Variants in SMARCA2 observed in about 807,000 individuals in gnomAD.
SMARCA2 encodes SWI/SNF-related matrix-associated actin-dependent regulator of chromatin subfamily A member 2.
In SMARCA2, 61 loss-of-function variants were observed where a neutral mutation model predicts 199.8. The ratio of observed to expected loss-of-function variants is 0.31; its 90% CI spans 0.25 to 0.38. The LOEUF is 0.38. Among genes scored for constraint, SMARCA2 ranks in the 10% least tolerant of loss-of-function variants. SMARCA2 has a pLI of 1.00. For missense variants in SMARCA2, 1,344 were observed against 2,012.2 expected (o/e 0.67, Z 6.35); for synonymous variants, 935 against 732.0 (o/e 1.28, Z -4.48).
chr9:2,100,680 G>A (rs1465236610), intron 21 of SMARCA2, among the ~76,000 whole-genome samples: 2 of 151,080 alleles, frequency 1.3e-5, no homozygotes, highest in Non-Finnish European at 1.5e-5. Flanking sequence ...TCCAGCCTGG[G>A]CAACAGAGTG....
chr9:2,028,928 A>G, intron 1 of SMARCA2, 59 bp from the exon 2 acceptor site: 1 of 1,360,056 alleles, frequency 7.4e-7, no homozygotes. Flanking sequence ...CAATTGTTTT[A>G]TTCTGGTCTT....
chr9:2,137,181 G>A (rs1824232767), intron 27 of SMARCA2, among the ~76,000 whole-genome samples: 1 of 152,202 alleles, frequency 6.6e-6, no homozygotes, highest in African/African-American at 2.4e-5. Flanking sequence ...AAGTAATAAG[G>A]ATCTGGAGTG....
intron 20 of SMARCA2, 62 bp downstream of exon 20, chr9:2,096,826 T>C (rs897448703): frequency 2.5e-5 from 25 of 980,980 alleles, no homozygotes; most frequent in Non-Finnish European, 3.8e-5. Context: ...GGCTGTGACA[T>C]TGAATATTCA....
chr9:2,101,640 T>C (rs975544302), intron 22 of SMARCA2, 24 bp downstream of exon 22: 14 of 1,351,800 alleles, frequency 1.0e-5, no homozygotes, highest in Non-Finnish European at 1.4e-5. Flanking sequence ...TTTTTTTTCT[T>C]TTAAAAAAAA....
chr9:2,146,014 C>T (rs534700101), intron 27 of SMARCA2, among the ~76,000 whole-genome samples: 1 of 152,158 alleles, frequency 6.6e-6, no homozygotes, highest in South Asian at 2.1e-4. Flanking sequence ...GCTTTGTGTT[C>T]CTATTATTTG....
At chr9:2,121,318 G>A (rs1255515719) in intron 26 of SMARCA2, among the ~76,000 whole-genome samples, 3 of 152,236 alleles carry the variant, frequency 2.0e-5, no homozygotes, top group Non-Finnish European at 4.4e-5. Context: ...ACACAGGTGA[G>A]GCTGGCTAGG....
In SMARCA2 at chr9:2,084,083, C is replaced by G. The variant is rs1199715648; in HGVS notation, c.2416-3C>G. 6.3e-7 allele frequency: 1 copy of G among 1,575,276 alleles called. No homozygotes were observed. Among genetic ancestry groups the G allele is most frequent in the Non-Finnish European group, 8.7e-7 (1 of 1,145,632 alleles). On this transcript the variant is annotated splice_region_variant and splice_polypyrimidine_tract_variant and intron_variant, in intron 16 of 33. Transcript: ENST00000349721. ...ATGCATGTATTTTTTTCTTTCCATT[C>G]AGGGTACTCCTGCCATGCGTCGCTC...
rs1341189196 is a variant in SMARCA2 at position 2,070,402 on chromosome 9, C to T, written c.1693-16C>T. ...CATCTTGGTTACTTATAACATTCGA[C>T]ATTGTTGTTTTGCAGAAGGCTGAGG... is the stretch of plus-strand genomic sequence containing the variant. On this transcript the variant is annotated splice_polypyrimidine_tract_variant and intron_variant, in intron 9 of 33. Coordinates refer to ENST00000349721, the MANE Select transcript of SMARCA2 (RefSeq NM_003070.5). The T allele has an allele frequency of 5.0e-6, 8 of 1,612,180 alleles. No homozygotes were observed. Among genetic ancestry groups the T allele is most frequent in the Non-Finnish European group, 5.9e-6 (7 of 1,178,394 alleles).
intron 4 of SMARCA2, chr9:2,040,705 A>G (rs567865418): frequency 6.6e-6 from 1 of 152,394 alleles, no homozygotes; most frequent in African/African-American, 2.4e-5. Flanking sequence ...TGTTCATAAT[A>G]GACTAACAGA....
At chr9:2,129,189 C>T (rs529624395) in intron 27 of SMARCA2, among the ~76,000 whole-genome samples, 6 of 152,096 alleles carry the variant, frequency 3.9e-5, no homozygotes, top group Non-Finnish European at 5.9e-5. Context: ...GAGGGCGAGG[C>T]GGGTGGAACA....
At chr9:2,148,750 C>T (rs1824892672) in intron 27 of SMARCA2, among the ~76,000 whole-genome samples, 1 of 151,398 alleles carries the variant, frequency 6.6e-6, no homozygotes, top group Non-Finnish European at 1.5e-5. Flanking sequence ...CTCTAGTAAT[C>T]CTCCTGCCTC....
At chr9:2,099,711 C>T (rs1487129053) in intron 21 of SMARCA2, among the ~76,000 whole-genome samples, 1 of 152,080 alleles carries the variant, frequency 6.6e-6, no homozygotes, top group Admixed American at 6.5e-5. Context: ...GTGAATTTGC[C>T]TTTGTTGTGT....
At chr9:2,107,817 G>A (rs912323640) in intron 23 of SMARCA2, among the ~76,000 whole-genome samples, 8 of 152,060 alleles carry the variant, frequency 5.3e-5, no homozygotes, top group African/African-American at 9.7e-5. Flanking sequence ...CCAGATCCAC[G>A]TCTGTTCTGC....
Position 2,160,697 on chromosome 9 carries a change from G to C in SMARCA2, c.3982-989G>C, listed in dbSNP as rs1028190367. The C allele has an allele frequency of 4.6e-6, 3 of 657,674 alleles. No homozygotes were observed. In the African/African-American group the frequency reaches 5.3e-5, roughly 12 times the overall value. 40.7% of individuals were successfully genotyped at this position (657,674 alleles called of 1,614,324 possible). A position where few individuals can be genotyped will look rare whatever the true frequency, so the allele number is the denominator to read the frequency against. On this transcript the variant is annotated intron_variant, in intron 27 of 33. Coordinates refer to ENST00000349721, the MANE Select transcript of SMARCA2 (RefSeq NM_003070.5). Reference sequence around the variant, plus strand: ...ATTTGCATACTGGAGGCAATATTGAGAGGCAGGAGGAACAAATAACAACAT... The same window carrying C: ...ATTTGCATACTGGAGGCAATATTGACAGGCAGGAGGAACAAATAACAACAT...
At chr9:2,066,755 A>G (rs1820852699) in intron 9 of SMARCA2, among the ~76,000 whole-genome samples, 1 of 152,232 alleles carries the variant, frequency 6.6e-6, no homozygotes, top group Admixed American at 6.5e-5. Context: ...CTGCAATTAA[A>G]CGATGCAGAT....
intron 33 of SMARCA2, 32 bp downstream of exon 33, chr9:2,191,440 G>A (rs954845970): frequency 6.2e-7 from 1 of 1,612,144 alleles, no homozygotes; most frequent in Middle Eastern, 1.7e-4. Flanking sequence ...TGAAGGCGGA[G>A]ACGCCCTCTC....
chr9:2,085,171 G>A (rs1005834914), intron 17 of SMARCA2, among the ~76,000 whole-genome samples: 2 of 152,128 alleles, frequency 1.3e-5, no homozygotes, highest in African/African-American at 4.8e-5. Flanking sequence ...AGATGGCACT[G>A]GCAACAATGC....
rs1239020010 is a variant in SMARCA2, at chr9:2,077,678, A to G, written c.2086A>G (p.Arg696Gly). 1 of 1,614,054 alleles carries G rather than the reference A, an allele frequency of 6.2e-7. No individual in the cohort carries two copies. Among genetic ancestry groups the G allele is most frequent in the African/African-American group, 1.3e-5 (1 of 75,038 alleles). ...DDEYSMQYSARGSQSYYTVAH... is the reference protein window; with the variant it reads ...DDEYSMQYSAGGSQSYYTVAH... ...TGAATACAGCATGCAGTACAGTGCC[A>G]GGGGCTCCCAGTCCTACTACACCGT... is the stretch of plus-strand genomic sequence containing the variant. The change falls in exon 14 of 34, where the codon AGG (arginine) becomes GGG (glycine). Residue 696 changes from arginine (R) to glycine (G), a missense_variant. Transcript: ENST00000349721.
intron 1 of SMARCA2, among the ~76,000 whole-genome samples, chr9:2,027,448 T>A (rs1818881388): frequency 6.6e-6 from 1 of 152,194 alleles, no homozygotes; most frequent in African/African-American, 2.4e-5. Flanking sequence ...TCTAAAAATA[T>A]GAAAAATTAA....
Sources: allele counts gnomAD v4.1 joint callset (sites outside exome capture counted in the v4.1 genomes callset), GRCh38; gene constraint gnomAD v4.1.1; transcripts MANE v1.5; gene names NCBI Gene and HGNC (gene_info 2026-07-23, HGNC 2026-07-21).